Variants in SBF2 observed in about 807,000 individuals in gnomAD.
The protein encoded by SBF2 is myotubularin-related protein 13.
A neutral mutation model predicts 225.2 loss-of-function variants in SBF2; 112 were observed. The ratio of observed to expected loss-of-function variants is 0.50; its 90% CI spans 0.43 to 0.58. The LOEUF is 0.58. SBF2 is among the 20% of genes least tolerant of loss of function. The pLI is 0.00. For synonymous variants in SBF2, 763 were observed against 773.3 expected (o/e 0.99, Z 0.22); for missense variants, 1,996 against 2,206.2 (o/e 0.90, Z 1.91).
intron 36 of SBF2, among the ~76,000 whole-genome samples, chr11:9,786,087 C>CG (rs1852355025): frequency 6.6e-6 from 1 of 152,078 alleles, no homozygotes; most frequent in Non-Finnish European, 1.5e-5. Context: ...ATGCTGGTCT[C>CG]GAACTCCTGA....
At chr11:10,031,008 C>T in intron 4 of SBF2, 40 bp downstream of exon 4, 2 of 1,548,338 alleles carry the variant, frequency 1.3e-6, no homozygotes, top group Non-Finnish European at 1.8e-6. Flanking sequence ...GAGACTCACA[C>T]AATAATACAA....
chr11:9,795,240 T>C (rs1305172298), intron 33 of SBF2, among the ~76,000 whole-genome samples: 3 of 152,210 alleles, frequency 2.0e-5, no homozygotes, highest in African/African-American at 4.8e-5. Context: ...GTCTAAAATT[T>C]ATTGAGCGCT....
chr11:10,286,510 C>T (rs1030033191), intron 1 of SBF2, among the ~76,000 whole-genome samples: 1 of 151,970 alleles, frequency 6.6e-6, no homozygotes, highest in Non-Finnish European at 1.5e-5. Context: ...CAGGTGCACG[C>T]CACCACACTC....
At chr11:10,135,392 A>G (rs370465974) in intron 2 of SBF2, among the ~76,000 whole-genome samples, 28 of 152,196 alleles carry the variant, frequency 1.8e-4, no homozygotes, top group East Asian at 5.8e-4. Context: ...GCTCCTCGTT[A>G]CTTATGCAAA....
In SBF2 at chr11:9,917,621, T is replaced by C. The variant is rs534201917; in HGVS notation, c.1861-21610A>G. Among the ~76,000 whole-genome samples the C allele has an allele frequency of 7.2e-5, 11 of 151,820 alleles. No individual in the cohort carries two copies. The East Asian group carries it at 2.1e-3, about 29-fold the overall frequency. On this transcript the variant is annotated intron_variant, in intron 16 of 39. Coordinates refer to ENST00000256190, the MANE Select transcript of SBF2 (RefSeq NM_030962.4). ...TGCTGGGATTACAGGCATGAGCCAC[T>C]GCGCCCAGCCACAAGTTTTTATTAT...
intron 6 of SBF2, among the ~76,000 whole-genome samples, chr11:10,005,304 A>G (rs1344060347): frequency 6.6e-6 from 1 of 152,208 alleles, no homozygotes; most frequent in Non-Finnish European, 1.5e-5. Flanking sequence ...GTACAATTCC[A>G]GTAAACACAC....
chr11:9,829,101 C>T lies in SBF2; in HGVS notation c.3793+255G>A, dbSNP rs1031845365. Among the ~76,000 whole-genome samples the T allele has an allele frequency of 1.1e-4, 16 of 152,064 alleles. No individual in the cohort carries two copies. The South Asian group carries it at 1.5e-3, about 14-fold the overall frequency. ...ACCAGACTGGGCAACACAGTGAGAC[C>T]CCATCTCTTAAAAAAAAGAAAATAA... On this transcript the variant is annotated intron_variant, in intron 28 of 39. Transcript: ENST00000256190.
At chr11:9,953,680 G>T (rs926911629) in intron 16 of SBF2, among the ~76,000 whole-genome samples, 1 of 152,124 alleles carries the variant, frequency 6.6e-6, no homozygotes, top group Non-Finnish European at 1.5e-5. Context: ...AAATCTGATT[G>T]TCCCAACTGT....
chr11:10,054,036 T>C (rs190459367), intron 2 of SBF2, among the ~76,000 whole-genome samples: 47 of 152,286 alleles, frequency 3.1e-4, no homozygotes, highest in Non-Finnish European at 1.6e-4. Flanking sequence ...ATAATGCATG[T>C]CACATATAGG....
intron 1 of SBF2, among the ~76,000 whole-genome samples, chr11:10,232,005 T>C (rs966239020): frequency 4.6e-5 from 7 of 152,208 alleles, no homozygotes; most frequent in African/African-American, 1.7e-4. Flanking sequence ...GCCTTGGCAA[T>C]GGCGGACGCC....
At chr11:10,223,695 G>A (rs940852041) in intron 1 of SBF2, among the ~76,000 whole-genome samples, 4 of 151,704 alleles carry the variant, frequency 2.6e-5, no homozygotes, top group African/African-American at 4.8e-5. Context: ...TTCCAGCATC[G>A]CTAGTGGCAC....
chr11:10,171,113 A>G (rs947766473), intron 2 of SBF2, among the ~76,000 whole-genome samples: 3 of 152,080 alleles, frequency 2.0e-5, no homozygotes, highest in African/African-American at 4.8e-5. Flanking sequence ...CTCCTTTCCA[A>G]TTTGGATGCC....
chr11:9,897,344 T>C (rs1220553326), intron 16 of SBF2, among the ~76,000 whole-genome samples: 2 of 152,064 alleles, frequency 1.3e-5, no homozygotes, highest in African/African-American at 4.8e-5. Flanking sequence ...TTAAAGCGAT[T>C]CTCATGCTTC....
chr11:9,835,448 T>A (rs931135265), intron 26 of SBF2, among the ~76,000 whole-genome samples: 2 of 151,652 alleles, frequency 1.3e-5, no homozygotes, highest in Admixed American at 6.6e-5. Flanking sequence ...GTGAGACCTC[T>A]TCTCTACAAA....
chr11:9,871,851 AC>A (rs1858788603), intron 17 of SBF2, among the ~76,000 whole-genome samples: 1 of 152,112 alleles, frequency 6.6e-6, no homozygotes, highest in Non-Finnish European at 1.5e-5. Context: ...CAGTATAGGA[AC>A]ACTTTTACAC....
intron 1 of SBF2, among the ~76,000 whole-genome samples, chr11:10,219,016 T>A (rs1289120643): frequency 6.6e-6 from 1 of 152,050 alleles, no homozygotes; most frequent in Admixed American, 6.6e-5. Flanking sequence ...CATTCTGGGG[T>A]CTGGAGGATG....
At chr11:10,200,878 C>G (rs531169490) in intron 1 of SBF2, among the ~76,000 whole-genome samples, 1 of 151,742 alleles carries the variant, frequency 6.6e-6, no homozygotes, top group Non-Finnish European at 1.5e-5. Context: ...AAATATTTCC[C>G]GAAAAAAAAT....
intron 26 of SBF2, chr11:9,838,934 T>C (rs971041554): frequency 1.9e-5 from 3 of 160,438 alleles, no homozygotes; most frequent in African/African-American, 7.2e-5. Context: ...TTAAGTAATA[T>C]TCCCTTGAAA....
intron 16 of SBF2, among the ~76,000 whole-genome samples, chr11:9,937,479 A>T (rs556566736): frequency 1.3e-5 from 2 of 152,334 alleles, no homozygotes; most frequent in Admixed American, 1.3e-4. Flanking sequence ...CTAGTTCAAG[A>T]TAATAAAAAT....
Sources: gnomAD v4.1 joint callset for allele counts (sites outside exome capture counted in the v4.1 genomes callset) on GRCh38, gnomAD v4.1.1 for gene constraint, MANE v1.5 for transcripts, NCBI Gene and HGNC (gene_info 2026-07-23, HGNC 2026-07-21) for gene names.